The following RC3H2 variants were observed in gnomAD, a reference collection of about 807,000 sequenced individuals.
The protein encoded by RC3H2 is roquin-2.
Under a neutral mutation model 133.3 loss-of-function variants are expected in RC3H2, and 31 were observed. That is an observed-to-expected ratio of 0.23 (90% CI 0.17 to 0.31). The LOEUF (loss-of-function observed/expected upper bound fraction) is 0.31, where lower values mean the gene tolerates loss of function less well. Among genes scored for constraint, RC3H2 ranks in the 10% least tolerant of loss-of-function variants. The pLI is 1.00. For missense variants in RC3H2, 1,175 were observed against 1,437.2 expected, an observed-to-expected ratio of 0.82 and a Z score of 2.95; for synonymous variants, 517 against 502.2, an observed-to-expected ratio of 1.03 and a Z score of -0.40.
intron 10 of RC3H2, 59 bp from the exon 11 acceptor site, chr9:122,860,190 T>C: frequency 8.0e-7 from 1 of 1,249,514 alleles, no homozygotes; most frequent in Non-Finnish European, 1.2e-6. Flanking sequence ...CTGTCCTCCT[T>C]ACTAGAAATT....
chr9:122,889,768 T>A (rs1832079646), intron 4 of RC3H2, among the ~76,000 whole-genome samples: 1 of 152,236 alleles, frequency 6.6e-6, no homozygotes, highest in East Asian at 1.9e-4. Context: ...CCTATCTTGA[T>A]GGCAATTGAA....
chr9:122,903,344 A>C (rs781245178), intron 1 of RC3H2, among the ~76,000 whole-genome samples: 1 of 152,214 alleles, frequency 6.6e-6, no homozygotes, highest in Non-Finnish European at 1.5e-5. Flanking sequence ...AGTTACTAAA[A>C]CCTTGTTATG....
intron 12 of RC3H2, 64 bp downstream of exon 12, chr9:122,858,605 C>G (rs1381156277): frequency 7.3e-7 from 1 of 1,373,002 alleles, no homozygotes; most frequent in Non-Finnish European, 1.0e-6. Flanking sequence ...GGATATATAC[C>G]TGGGTGGTTT....
intron 10 of RC3H2, among the ~76,000 whole-genome samples, chr9:122,861,149 A>G (rs1174776735): frequency 6.6e-6 from 1 of 152,156 alleles, no homozygotes; most frequent in African/African-American, 2.4e-5. Flanking sequence ...TTGAGTCACT[A>G]AGTAATCAGC....
rs760253266 is a variant in RC3H2, at chr9:122,890,453, G to A, written c.442C>T (p.Arg148Cys). The A allele has an allele frequency of 2.5e-6, 4 of 1,614,100 alleles. No individual in the cohort carries two copies. The highest frequency in any genetic ancestry group is 2.2e-5 in the East Asian group (1 of 44,870). ...CGAGCTGCTCGCATGGCTCTTACACGACCTTCTTCCTCCACCAGTTGACAG... is the reference window on the plus strand; with the variant it reads ...CGAGCTGCTCGCATGGCTCTTACACAACCTTCTTCCTCCACCAGTTGACAG... ...VNCQLVEEEG[R>C]VRAMRAARSL... The change falls in exon 4 of 21, where the codon CGT becomes TGT. Residue 148 changes from arginine to cysteine, a missense_variant. Coordinates refer to ENST00000357244, the MANE Select transcript of RC3H2 (RefSeq NM_001100588.3).
At chr9:122,893,137 A>C in intron 2 of RC3H2, 111 bp from the exon 3 acceptor site, 1 of 1,341,054 alleles carries the variant, frequency 7.5e-7, no homozygotes, top group Non-Finnish European at 9.9e-7. Context: ...TCATGCATAG[A>C]TAATACATGA....
At chr9:122,896,174 T>C (rs1190891758) in intron 2 of RC3H2, among the ~76,000 whole-genome samples, 1 of 151,118 alleles carries the variant, frequency 6.6e-6, no homozygotes, top group East Asian at 1.9e-4. Context: ...TTCAAAGCTG[T>C]CCTGGGCTGC....
chr9:122,851,977 G>A (rs1830042294), intron 18 of RC3H2, among the ~76,000 whole-genome samples: 1 of 150,476 alleles, frequency 6.6e-6, no homozygotes, highest in South Asian at 2.1e-4. Flanking sequence ...GATGTGAGGA[G>A]CCCCTCTGCC....
chr9:122,888,936 T>C (rs922811001), intron 4 of RC3H2, among the ~76,000 whole-genome samples: 1 of 152,232 alleles, frequency 6.6e-6, no homozygotes, highest in Non-Finnish European at 1.5e-5. Context: ...TGCATGCCCA[T>C]GACTACTGGA....
At chr9:122,858,140 A>T (rs774940647) in intron 12 of RC3H2, 47 bp from the exon 13 acceptor site, 21 of 1,545,928 alleles carry the variant, frequency 1.4e-5, no homozygotes, top group Non-Finnish European at 1.9e-5. Context: ...GGGAGTGGTG[A>T]ATAAATTTAA....
intron 1 of RC3H2, 100 bp downstream of exon 1, chr9:122,905,010 G>T: frequency 1.2e-6 from 1 of 852,986 alleles, no homozygotes; most frequent in Non-Finnish European, 1.4e-6. Flanking sequence ...AGGGGCGACA[G>T]CGCACAGGCC....
chr9:122,859,859 CATTT>C, intron 11 of RC3H2, 54 bp downstream of exon 11: 3 of 1,333,302 alleles, frequency 2.3e-6, no homozygotes, highest in South Asian at 1.2e-5. Flanking sequence ...ACTATTCATT[CATTT>C]ATCTAAAGGA....
intron 3 of RC3H2, among the ~76,000 whole-genome samples, chr9:122,891,391 T>C (rs537686437): frequency 1.8e-4 from 27 of 152,286 alleles, no homozygotes; most frequent in Non-Finnish European, 3.2e-4. Context: ...TATTTCCTAG[T>C]CTAGTGCCTT....
chr9:122,869,285 T>C (rs957987213), intron 9 of RC3H2, among the ~76,000 whole-genome samples: 6 of 152,104 alleles, frequency 3.9e-5, no homozygotes, highest in Admixed American at 3.3e-4. Flanking sequence ...CATAATTATA[T>C]ATGCCTAAAG....
chr9:122,879,016 C>A (rs577881066), intron 8 of RC3H2, among the ~76,000 whole-genome samples: 7 of 150,892 alleles, frequency 4.6e-5, no homozygotes, highest in Non-Finnish European at 1.0e-4. Flanking sequence ...CTCAACCTCC[C>A]AAAGTGCTGG....
At chr9:122,865,754 G>A in intron 9 of RC3H2, 97 bp from the exon 10 acceptor site, 1 of 1,058,040 alleles carries the variant, frequency 9.5e-7, no homozygotes. Context: ...TGAAAAAGGA[G>A]GAAACAGTTT....
At chr9:122,896,488 A>G (rs139846650) in intron 2 of RC3H2, among the ~76,000 whole-genome samples, 2 of 152,362 alleles carry the variant, frequency 1.3e-5, no homozygotes, top group African/African-American at 4.8e-5. Flanking sequence ...CATAAATTTT[A>G]GCCACAGAAT....
chr9:122,902,930 A>G (rs975104229), intron 1 of RC3H2, among the ~76,000 whole-genome samples: 1 of 152,094 alleles, frequency 6.6e-6, no homozygotes. Context: ...ACAAAATATC[A>G]TTTCAACATG....
intron 2 of RC3H2, among the ~76,000 whole-genome samples, chr9:122,894,238 G>A (rs547807539): frequency 1.3e-5 from 2 of 150,966 alleles, no homozygotes; most frequent in African/African-American, 2.4e-5. Context: ...CAGCCTGGGC[G>A]ACAGAGCAAG....
Sources: allele counts gnomAD v4.1 joint callset (sites outside exome capture counted in the v4.1 genomes callset), GRCh38; gene constraint gnomAD v4.1.1; transcripts MANE v1.5; gene names NCBI Gene and HGNC (gene_info 2026-07-23, HGNC 2026-07-21).